Variants in IRAK2 observed in about 807,000 individuals in gnomAD.
IRAK2 encodes the protein interleukin-1 receptor-associated kinase-like 2.
Under a neutral mutation model 72.0 loss-of-function variants are expected in IRAK2, and 57 were observed. That is an observed-to-expected ratio of 0.79 (90% CI 0.64 to 0.99). The LOEUF (loss-of-function observed/expected upper bound fraction) is 0.99, where lower values mean the gene tolerates loss of function less well. Among genes scored for constraint, IRAK2 ranks in the 50% least tolerant of loss-of-function variants. IRAK2 has a pLI of 0.00. For missense variants in IRAK2, 790 were observed against 794.4 expected (o/e 0.99, Z 0.07); for synonymous variants, 293 against 312.7 (o/e 0.94, Z 0.67).
chr3:10,234,970 G>A (rs2125164768), intron 11 of IRAK2, among the ~76,000 whole-genome samples: 1 of 152,338 alleles, frequency 6.6e-6, no homozygotes, highest in East Asian at 1.9e-4. Context: ...TGTGTTCTCT[G>A]GAGGGAACGG....
intron 3 of IRAK2, among the ~76,000 whole-genome samples, chr3:10,204,981 C>T (rs1196361917): frequency 6.6e-6 from 1 of 152,078 alleles, no homozygotes; most frequent in East Asian, 1.9e-4. Context: ...TGCCCCATCT[C>T]CCTCCCCTCC....
chr3:10,208,489 C>T (rs62240064), intron 3 of IRAK2, among the ~76,000 whole-genome samples: 44,010 of 147,714 alleles, frequency 0.3, 7,047 homozygotes, highest in Non-Finnish European at 0.36. Flanking sequence ...TAGGACTGAG[C>T]GCAGTGGCTC....
intron 3 of IRAK2, among the ~76,000 whole-genome samples, chr3:10,204,465 G>C (rs555768773): frequency 6.6e-6 from 1 of 152,300 alleles, no homozygotes; most frequent in African/African-American, 2.4e-5. Flanking sequence ...GGTGCATTTT[G>C]CTTGAGAAAG....
intron 1 of IRAK2, 97 bp from the exon 2 acceptor site, chr3:10,177,741 G>A: frequency 1.7e-6 from 2 of 1,192,410 alleles, no homozygotes; most frequent in Non-Finnish European, 2.5e-6. Flanking sequence ...GGTTGGGGAG[G>A]ATGTCCTGGA....
intron 12 of IRAK2, among the ~76,000 whole-genome samples, chr3:10,239,940 A>G (rs1698026339): frequency 6.6e-6 from 1 of 150,628 alleles, no homozygotes; most frequent in Admixed American, 6.6e-5. Context: ...TGAGGTCAGG[A>G]GTTCAAGACC....
chr3:10,199,345 G>A (rs762089846), intron 2 of IRAK2, among the ~76,000 whole-genome samples: 1 of 152,180 alleles, frequency 6.6e-6, no homozygotes, highest in Non-Finnish European at 1.5e-5. Context: ...AGTCCTGCGT[G>A]CCTTTGGCAT....
At chr3:10,188,320 A>G (rs1264330316) in intron 2 of IRAK2, among the ~76,000 whole-genome samples, 1 of 152,078 alleles carries the variant, frequency 6.6e-6, no homozygotes, top group African/African-American at 2.4e-5. Context: ...AAGAGAGTTA[A>G]TAAGGAACTA....
intron 8 of IRAK2, among the ~76,000 whole-genome samples, chr3:10,220,714 T>G (rs180956423): frequency 1.4e-4 from 21 of 152,242 alleles, no homozygotes; most frequent in African/African-American, 4.6e-4. Context: ...GTGCTGGGAT[T>G]ACAGGTGAGA....
At chr3:10,169,393 A>G (rs1248892670) in intron 1 of IRAK2, among the ~76,000 whole-genome samples, 1 of 152,176 alleles carries the variant, frequency 6.6e-6, no homozygotes, top group Admixed American at 6.6e-5. Context: ...CCCTTATCTC[A>G]ACTGCATCAG....
intron 2 of IRAK2, among the ~76,000 whole-genome samples, chr3:10,188,528 GTATT>G (rs965825426): frequency 7.3e-5 from 11 of 150,588 alleles, no homozygotes; most frequent in African/African-American, 2.4e-4. Flanking sequence ...ATTTATTTAT[GTATT>G]TATTTATTTT....
At chr3:10,222,918 G>T (rs1388490842) in intron 9 of IRAK2, 87 bp downstream of exon 9, 9 of 1,219,702 alleles carry the variant, frequency 7.4e-6, no homozygotes, top group Non-Finnish European at 9.4e-6. Flanking sequence ...TACGGTAGAG[G>T]CACACAGACA....
chr3:10,190,371 C>G (rs1445804530), intron 2 of IRAK2, among the ~76,000 whole-genome samples: 1 of 148,298 alleles, frequency 6.7e-6, no homozygotes. Flanking sequence ...ACCTCTGCCT[C>G]GTGGACTCAA....
At chr3:10,215,809 G>C (rs1481221416) in intron 6 of IRAK2, among the ~76,000 whole-genome samples, 2 of 151,346 alleles carry the variant, frequency 1.3e-5, no homozygotes, top group Non-Finnish European at 2.9e-5. Context: ...ATAAAAACTG[G>C]AAGTATGATT....
intron 2 of IRAK2, among the ~76,000 whole-genome samples, chr3:10,185,350 G>C (rs1697056791): frequency 6.6e-6 from 1 of 150,462 alleles, no homozygotes; most frequent in East Asian, 2.0e-4. Flanking sequence ...CTGAGGTCGG[G>C]AGTTCGGGAC....
intron 8 of IRAK2, among the ~76,000 whole-genome samples, chr3:10,222,143 C>G (rs1034535828): frequency 3.3e-5 from 5 of 152,224 alleles, no homozygotes; most frequent in Non-Finnish European, 7.3e-5. Flanking sequence ...CCATCTCGGC[C>G]TCCCAAAGTG....
intron 1 of IRAK2, among the ~76,000 whole-genome samples, chr3:10,166,941 G>T (rs1430311162): frequency 6.6e-6 from 1 of 152,200 alleles, no homozygotes. Context: ...ACTGCTCCTG[G>T]ACCTGGCTTC....
chr3:10,168,232 A>T (rs1352878524), intron 1 of IRAK2, among the ~76,000 whole-genome samples: 1 of 146,632 alleles, frequency 6.8e-6, no homozygotes, highest in East Asian at 2.0e-4. Flanking sequence ...TTTTTTTGAG[A>T]CAGAGTCTCG....
At chr3:10,171,707 T>G (rs1696796211) in intron 1 of IRAK2, among the ~76,000 whole-genome samples, 1 of 148,746 alleles carries the variant, frequency 6.7e-6, no homozygotes, top group African/African-American at 2.5e-5. Flanking sequence ...ACCAGCCTCG[T>G]GATCCGCCCG....
chr3:10,225,782 T>C (rs1397988674), intron 9 of IRAK2, among the ~76,000 whole-genome samples: 1 of 151,500 alleles, frequency 6.6e-6, no homozygotes, highest in Non-Finnish European at 1.5e-5. Context: ...CACTGCAAGA[T>C]CCACCTCCCA....
Sources: allele counts gnomAD v4.1 joint callset (sites outside exome capture counted in the v4.1 genomes callset), GRCh38; gene constraint gnomAD v4.1.1; transcripts MANE v1.5; gene names NCBI Gene and HGNC (gene_info 2026-07-23, HGNC 2026-07-21).